The following PLEKHA3 variants were observed in gnomAD, a reference collection of about 807,000 sequenced individuals.
PLEKHA3 encodes the protein pleckstrin homology domain-containing family A member 3.
Under a neutral mutation model 39.2 loss-of-function variants are expected in PLEKHA3, and 19 were observed. The ratio of observed to expected loss-of-function variants is 0.48; its 90% confidence interval spans 0.34 to 0.71. The LOEUF (loss-of-function observed/expected upper bound fraction) is 0.71, where lower values mean the gene tolerates loss of function less well. PLEKHA3 is among the 30% of genes least tolerant of loss of function. The pLI is 0.01. For missense variants in PLEKHA3, 253 were observed against 359.5 expected (o/e 0.70, Z 2.40); for synonymous variants, 97 against 118.6 (o/e 0.82, Z 1.18).
At chr2:178,488,968 G>T (rs1346150084) in intron 2 of PLEKHA3, 2 of 459,660 alleles carry the variant, frequency 4.4e-6, no homozygotes, top group Non-Finnish European at 8.9e-6. Context: ...GCCTTTTCAG[G>T]TGACAACTTT....
At chr2:178,487,880 G>A (rs995436616) in intron 2 of PLEKHA3, among the ~76,000 whole-genome samples, 1 of 152,014 alleles carries the variant, frequency 6.6e-6, no homozygotes, top group Non-Finnish European at 1.5e-5. Flanking sequence ...TAAAAAATTC[G>A]GAATATTTCT....
In PLEKHA3 at chr2:178,508,334, A is replaced by G. The variant is rs1685635354; in HGVS notation, c.*4447A>G. 6.6e-6 allele frequency: 1 copy of G among 151,642 alleles called. No homozygotes were observed. The allele number at this position is 151,642 out of a possible 1,614,324, so 9.4% of individuals were successfully genotyped here. A position where few individuals can be genotyped will look rare whatever the true frequency, so the allele number is the denominator to read the frequency against. ...TTTTTTTCTGTTTCATTTCATAAAA[A>G]CCTATTTTTATTTTATAGATTAACT... On this transcript the variant is annotated 3_prime_UTR_variant, in exon 8 of 8. Transcript: ENST00000234453.
chr2:178,499,567 A>G (rs1685498124), intron 6 of PLEKHA3, among the ~76,000 whole-genome samples: 1 of 152,174 alleles, frequency 6.6e-6, no homozygotes, highest in Admixed American at 6.5e-5. Context: ...GATAGACTGC[A>G]TATGTGACAG....
intron 7 of PLEKHA3, among the ~76,000 whole-genome samples, chr2:178,503,314 G>A (rs74735544): frequency 0.021 from 3,133 of 151,970 alleles, 54 homozygotes; most frequent in East Asian, 0.04. Context: ...TTTAGTCCTC[G>A]TTCTGTTACC....
In PLEKHA3 at chr2:178,490,794, C is replaced by A. The variant is rs747247831; in HGVS notation, c.293C>A (p.Thr98Lys). Reference protein sequence around the residue: ...LGSSKACLTDTRTKKEKEISE... With the variant: ...LGSSKACLTDKRTKKEKEISE... The stretch of plus-strand genomic sequence containing the variant: ...AGCTCCAAAGCATGTTTGACTGATA[C>A]AAGGACTAAAAAAGAAAAAGGTAAC... Residue 98 changes from threonine to lysine, a missense_variant, in exon 3 of 8, where the codon ACA becomes AAA. Thr to Lys is a moderately conservative substitution (Grantham distance 78). This residue lies in a region of PLEKHA3 where 126 missense variants were observed against 222.7 expected (regional missense o/e 0.57). Coordinates refer to ENST00000234453, the MANE Select transcript of PLEKHA3 (RefSeq NM_019091.4). 1.2e-6 allele frequency: 2 copies of A among 1,609,922 alleles called. No individual in the cohort carries two copies. Among genetic ancestry groups the A allele is most frequent in the South Asian group, 2.2e-5 (2 of 90,096 alleles).
intron 1 of PLEKHA3, among the ~76,000 whole-genome samples, chr2:178,482,516 A>G (rs185418271): frequency 1.2e-3 from 173 of 150,426 alleles, no homozygotes; most frequent in African/African-American, 4.1e-3. Flanking sequence ...TTGTACCCAC[A>G]CACTTCAGCC....
At chr2:178,489,059 C>T in intron 2 of PLEKHA3, 1 of 407,494 alleles carries the variant, frequency 2.5e-6, no homozygotes, top group Non-Finnish European at 4.9e-6. Flanking sequence ...CATCTTGTAG[C>T]AACATCATTA....
rs1457411264 is a variant in PLEKHA3, at chr2:178,514,120, C to CT, written c.*10234dup. 2.0e-5 allele frequency: 3 copies of CT among 150,684 alleles called. 1 individual carries two copies. In the East Asian group the frequency reaches 5.9e-4, roughly 29 times the overall value. The allele number at this position is 150,684 out of a possible 1,614,324, so 9.3% of individuals were successfully genotyped here. A position where few individuals can be genotyped will look rare whatever the true frequency, so the allele number is the denominator to read the frequency against. ...TTTTTTCTTGTTTTGCAGTTGTTGG[C>CT]TAGAGAAAAGTGTGTAGCAATAAGT... On this transcript the variant is annotated 3_prime_UTR_variant, in exon 8 of 8. Coordinates refer to ENST00000234453, the MANE Select transcript of PLEKHA3 (RefSeq NM_019091.4).
chr2:178,500,304 A>G (rs890184424), intron 6 of PLEKHA3, among the ~76,000 whole-genome samples: 4 of 152,100 alleles, frequency 2.6e-5, no homozygotes, highest in Admixed American at 6.5e-5. Context: ...GAGGAATCCA[A>G]TGATGTATAT....
At chr2:178,500,673 T>C (rs2195070) in intron 6 of PLEKHA3, among the ~76,000 whole-genome samples, 12,416 of 152,104 alleles carry the variant, frequency 0.082, 1,014 homozygotes, top group African/African-American at 0.21. Flanking sequence ...ATGAACTCCT[T>C]GCCCATCTCT....
At chr2:178,490,352 A>G (rs1415521776) in intron 2 of PLEKHA3, among the ~76,000 whole-genome samples, 1 of 152,218 alleles carries the variant, frequency 6.6e-6, no homozygotes, top group Non-Finnish European at 1.5e-5. Context: ...TTGCAGTTGT[A>G]TTTAATAGGA....
intron 7 of PLEKHA3, chr2:178,502,386 A>C: frequency 4.7e-6 from 2 of 428,604 alleles, no homozygotes; most frequent in Non-Finnish European, 9.4e-6. Flanking sequence ...AGGGAGAAAG[A>C]AACTTTCTTG....
At position 178,509,810 on chromosome 2, in the gene PLEKHA3, C is replaced by T. The variant is rs922638259; in HGVS notation, c.*5923C>T. The T allele has an allele frequency of 3.9e-5, 6 of 152,138 alleles. No individual in the cohort carries two copies. Among genetic ancestry groups the T allele is most frequent in the African/African-American group, 1.4e-4 (6 of 41,428 alleles). The allele number at this position is 152,138 out of a possible 1,614,324, so 9.4% of individuals were successfully genotyped here. On this transcript the variant is annotated 3_prime_UTR_variant, in exon 8 of 8. Coordinates refer to ENST00000234453, the MANE Select transcript of PLEKHA3 (RefSeq NM_019091.4). Reference sequence around the variant, plus strand: ...CTCTCAATTCAGTAACCTGTTTATTCTTGAGTGAAAATGTTTCACCATAGG... The same window carrying T: ...CTCTCAATTCAGTAACCTGTTTATTTTTGAGTGAAAATGTTTCACCATAGG...
At chr2:178,492,572 T>C (rs1231843572) in intron 3 of PLEKHA3, among the ~76,000 whole-genome samples, 6 of 150,990 alleles carry the variant, frequency 4.0e-5, no homozygotes, top group African/African-American at 1.5e-4. Flanking sequence ...TGTATACATA[T>C]GTAACTAACC....
chr2:178,500,579 C>T (rs1197695366), intron 6 of PLEKHA3, among the ~76,000 whole-genome samples: 2 of 152,028 alleles, frequency 1.3e-5, no homozygotes, highest in Non-Finnish European at 2.9e-5. Context: ...ATTTTTCAGA[C>T]AGATTTTTAA....
chr2:178,490,754 C>G lies in PLEKHA3; in HGVS notation c.253C>G (p.Leu85Val). The stretch of plus-strand genomic sequence containing the variant: ...GAATGCAGCTGAAAGACAGAGGTGG[C>G]TGGTCGCTCTGGGGAGCTCCAAAGC... Reference protein sequence around the residue: ...AVNAAERQRWLVALGSSKACL... With the variant: ...AVNAAERQRWVVALGSSKACL... The change falls in exon 3 of 8, where the codon CTG becomes GTG. Residue 85 changes from leucine (L) to valine (V), a missense_variant. Coordinates refer to ENST00000234453, the MANE Select transcript of PLEKHA3 (RefSeq NM_019091.4). 6.2e-7 allele frequency: 1 copy of G among 1,614,076 alleles called. No individual in the cohort carries two copies. The highest frequency in any genetic ancestry group is 8.5e-7 in the Non-Finnish European group (1 of 1,179,966).
At chr2:178,499,995 A>G (rs1685504671) in intron 6 of PLEKHA3, among the ~76,000 whole-genome samples, 1 of 152,164 alleles carries the variant, frequency 6.6e-6, no homozygotes, top group Non-Finnish European at 1.5e-5. Context: ...AGAGAGAAAG[A>G]TCTTGCTGAA....
chr2:178,486,664 T>A (rs1685254997), intron 2 of PLEKHA3, among the ~76,000 whole-genome samples: 2 of 152,246 alleles, frequency 1.3e-5, no homozygotes, highest in African/African-American at 4.8e-5. Flanking sequence ...CTCAACATCA[T>A]GTTTGTAAAA....
intron 1 of PLEKHA3, 67 bp downstream of exon 1, chr2:178,480,976 C>A (rs1575140456): frequency 7.9e-7 from 1 of 1,271,466 alleles, no homozygotes; most frequent in South Asian, 3.3e-5. Flanking sequence ...CGGGTCGGGG[C>A]TCCTCTTCCT....
Sources: allele counts gnomAD v4.1 joint callset (sites outside exome capture counted in the v4.1 genomes callset), GRCh38; gene constraint gnomAD v4.1.1; regional missense constraint gnomAD v4.1.1; transcripts MANE v1.5; gene names NCBI Gene and HGNC (gene_info 2026-07-23, HGNC 2026-07-21).